Variants in COLGALT2 observed in about 807,000 individuals in gnomAD.
COLGALT2 encodes the protein procollagen galactosyltransferase 2.
COLGALT2 carries 49 observed loss-of-function variants against 73.4 expected under a neutral mutation model. The ratio of observed to expected loss-of-function variants is 0.67; its 90% CI spans 0.53 to 0.85. COLGALT2 has a LOEUF of 0.85. COLGALT2 is among the 40% of genes least tolerant of loss of function. The pLI, the probability that COLGALT2 is intolerant of heterozygous loss-of-function variation, is 0.00. For synonymous variants in COLGALT2, 295 were observed against 307.6 expected (o/e 0.96, Z 0.43); for missense variants, 722 against 790.2 (o/e 0.91, Z 1.03).
At chr1:183,962,704 G>A (rs752426955) in intron 6 of COLGALT2, among the ~76,000 whole-genome samples, 6 of 152,126 alleles carry the variant, frequency 3.9e-5, no homozygotes, top group Non-Finnish European at 8.8e-5. Context: ...CCCAGTAGCC[G>A]TGAAATGTCC....
intron 4 of COLGALT2, 96 bp from the exon 5 acceptor site, chr1:183,969,569 G>T: frequency 2.7e-6 from 3 of 1,106,822 alleles, no homozygotes; most frequent in Non-Finnish European, 2.5e-6. Flanking sequence ...GTCATTACCA[G>T]CTATATACAA....
At chr1:184,018,488 C>G (rs969767331) in intron 1 of COLGALT2, among the ~76,000 whole-genome samples, 4 of 151,944 alleles carry the variant, frequency 2.6e-5, no homozygotes, top group Non-Finnish European at 5.9e-5. Flanking sequence ...AATTCCATTC[C>G]CAGAAATCAA....
intron 5 of COLGALT2, among the ~76,000 whole-genome samples, chr1:183,965,151 C>T (rs570368577): frequency 2.0e-5 from 3 of 152,190 alleles, no homozygotes; most frequent in Admixed American, 6.5e-5. Flanking sequence ...TTGCCTTCAC[C>T]GAGCAAACTC....
chr1:184,037,461 G>A lies in COLGALT2; in HGVS notation c.-104C>T. On this transcript the variant is annotated 5_prime_UTR_variant, in exon 1 of 12. Transcript: ENST00000361927. ...GGGGAGCAAGGGGCTGCGAGGGGCG[G>A]CCGGGGGATGCGGCTTGCCGCGGCC... 1.7e-6 allele frequency: 2 copies of A among 1,208,742 alleles called. No individual in the cohort carries two copies. Among genetic ancestry groups the A allele is most frequent in the Middle Eastern group, 3.3e-4 (1 of 3,058 alleles). 74.9% of individuals were successfully genotyped at this position (1,208,742 alleles called of 1,614,324 possible). A position where few individuals can be genotyped will look rare whatever the true frequency, so the allele number is the denominator to read the frequency against.
chr1:183,959,134 G>A (rs1670629776), intron 6 of COLGALT2, among the ~76,000 whole-genome samples: 1 of 151,986 alleles, frequency 6.6e-6, no homozygotes, highest in African/African-American at 2.4e-5. Flanking sequence ...CAGCATCTTG[G>A]CTCCGTCTTG....
chr1:183,982,335 T>C (rs1450220042), intron 1 of COLGALT2, among the ~76,000 whole-genome samples: 3 of 152,182 alleles, frequency 2.0e-5, no homozygotes, highest in Non-Finnish European at 4.4e-5. Flanking sequence ...GAGTTTGTGA[T>C]TGTGCCAAAA....
chr1:183,932,679 G>A (rs558851729), downstream of COLGALT2, among the ~76,000 whole-genome samples: 5 of 152,156 alleles, frequency 3.3e-5, no homozygotes, highest in Non-Finnish European at 5.9e-5. Flanking sequence ...ATGTGGGCCC[G>A]GCGCAGCCTC....
intron 4 of COLGALT2, among the ~76,000 whole-genome samples, chr1:183,972,471 T>G (rs2102815016): frequency 6.6e-6 from 1 of 152,308 alleles, no homozygotes; most frequent in South Asian, 2.1e-4. Context: ...CAGTTGAATT[T>G]ATCTAATTCT....
At chr1:183,967,825 A>G (rs916496325) in intron 5 of COLGALT2, among the ~76,000 whole-genome samples, 1 of 152,248 alleles carries the variant, frequency 6.6e-6, no homozygotes, top group Non-Finnish European at 1.5e-5. Flanking sequence ...AGGAGTTTCC[A>G]TTAACACTGA....
At chr1:184,034,108 T>G (rs1649596103) in intron 1 of COLGALT2, among the ~76,000 whole-genome samples, 3 of 151,846 alleles carry the variant, frequency 2.0e-5, no homozygotes, top group Non-Finnish European at 1.5e-5. Flanking sequence ...CCCATCAGAG[T>G]GTTATATCTC....
intron 3 of COLGALT2, 111 bp from the exon 4 acceptor site, chr1:183,973,861 C>T (rs1406449852): frequency 2.0e-6 from 2 of 982,242 alleles, no homozygotes; most frequent in Non-Finnish European, 3.0e-6. Flanking sequence ...ACATATGGAA[C>T]CAGCTATCTA....
At chr1:183,977,656 G>A (rs1671235090) in intron 2 of COLGALT2, among the ~76,000 whole-genome samples, 1 of 152,020 alleles carries the variant, frequency 6.6e-6, no homozygotes. Flanking sequence ...AGGCATAGTG[G>A]TGCATGGCTG....
At chr1:184,013,115 G>T (rs930601232) in intron 1 of COLGALT2, among the ~76,000 whole-genome samples, 8 of 152,230 alleles carry the variant, frequency 5.3e-5, no homozygotes, top group Non-Finnish European at 1.0e-4. Flanking sequence ...AGGAGTTCAA[G>T]ACCAGCTTGG....
downstream of COLGALT2, among the ~76,000 whole-genome samples, chr1:183,931,627 A>T (rs527432979): frequency 3.3e-5 from 5 of 152,202 alleles, no homozygotes; most frequent in African/African-American, 1.2e-4. Context: ...TTTTAAGACC[A>T]CCTGGATCAG....
chr1:184,020,835 C>T (rs1176095615), intron 1 of COLGALT2, among the ~76,000 whole-genome samples: 1 of 152,132 alleles, frequency 6.6e-6, no homozygotes, highest in Non-Finnish European at 1.5e-5. Flanking sequence ...GCCCTTATGA[C>T]ATTCTTGCTT....
intron 1 of COLGALT2, among the ~76,000 whole-genome samples, chr1:183,983,552 G>A (rs1382643617): frequency 1.3e-5 from 2 of 152,182 alleles, no homozygotes; most frequent in Admixed American, 6.5e-5. Flanking sequence ...GAGGAAACCC[G>A]AGGCTGGTGC....
intron 1 of COLGALT2, among the ~76,000 whole-genome samples, chr1:184,003,003 G>A (rs1159471982): frequency 6.6e-6 from 1 of 152,020 alleles, no homozygotes; most frequent in African/African-American, 2.4e-5. Flanking sequence ...GCTATCAAAA[G>A]AATGGAAACA....
At position 183,954,847 on chromosome 1, in the gene COLGALT2, C is replaced by T; in HGVS notation, c.953-9G>A. The T allele has an allele frequency of 1.2e-6, 2 of 1,604,502 alleles. No homozygotes were observed. The highest frequency in any genetic ancestry group is 2.2e-5 in the East Asian group (1 of 44,826). On this transcript the variant is annotated splice_polypyrimidine_tract_variant and intron_variant, in intron 6 of 11. Coordinates refer to ENST00000361927, the MANE Select transcript of COLGALT2 (RefSeq NM_015101.4). ...CATTGGAGGACGGTCAACTGGAAGACACAAGAAACATGCAGAGTGCTTTGT... is the reference window on the plus strand; with the variant it reads ...CATTGGAGGACGGTCAACTGGAAGATACAAGAAACATGCAGAGTGCTTTGT...
At chr1:183,985,994 T>C (rs538259471) in intron 1 of COLGALT2, among the ~76,000 whole-genome samples, 1 of 152,268 alleles carries the variant, frequency 6.6e-6, no homozygotes, top group East Asian at 1.9e-4. Flanking sequence ...TGAAAGCAAC[T>C]ACTGTAATTC....
Sources: gnomAD v4.1 joint callset for allele counts (sites outside exome capture counted in the v4.1 genomes callset) on GRCh38, gnomAD v4.1.1 for gene constraint, MANE v1.5 for transcripts, NCBI Gene and HGNC (gene_info 2026-07-23, HGNC 2026-07-21) for gene names.